KCNN2: variants seen among roughly 807,000 people sequenced by gnomAD.
The protein encoded by KCNN2 is potassium calcium-activated channel subfamily N member 2.
Under a neutral mutation model 55.5 loss-of-function variants are expected in KCNN2, and 24 were observed. That is an observed-to-expected ratio of 0.43 (90% CI 0.31 to 0.61). KCNN2 has a LOEUF of 0.61. Ranked by LOEUF, KCNN2 falls within the 20% of genes least tolerant of loss-of-function variation. KCNN2 has a pLI of 0.08. For synonymous variants in KCNN2, 431 were observed against 336.1 expected (o/e 1.28, Z -3.09); for missense variants, 754 against 853.6 (o/e 0.88, Z 1.45).
At chr5:114,493,623 A>C (rs755199272) in intron 7 of KCNN2, 151 bp downstream of exon 7, 94 of 635,322 alleles carry the variant, frequency 1.5e-4, no homozygotes, top group Non-Finnish European at 2.3e-4. Context: ...TCCAACTTAA[A>C]AGAATGTTTC....
intron 1 of KCNN2, among the ~76,000 whole-genome samples, chr5:114,212,382 G>C (rs537489050): frequency 4.6e-5 from 7 of 152,080 alleles, no homozygotes; most frequent in Middle Eastern, 3.4e-3. Context: ...GTTGCCTAGG[G>C]GTTGGGTGGA....
intron 1 of KCNN2, among the ~76,000 whole-genome samples, chr5:114,118,764 T>C (rs1377020579): frequency 2.6e-5 from 4 of 152,134 alleles, no homozygotes; most frequent in Non-Finnish European, 5.9e-5. Flanking sequence ...ATCAGACATA[T>C]ACCTACTGGA....
intron 2 of KCNN2, among the ~76,000 whole-genome samples, chr5:114,399,935 T>G (rs865779379): frequency 6.6e-6 from 1 of 150,414 alleles, no homozygotes; most frequent in Non-Finnish European, 1.5e-5. Context: ...TTTTTGTTTT[T>G]TTTTTTTGTA....
chr5:114,274,472 G>A (rs1245799632), intron 2 of KCNN2, among the ~76,000 whole-genome samples: 1 of 152,166 alleles, frequency 6.6e-6, no homozygotes, highest in African/African-American at 2.4e-5. Flanking sequence ...CCATGAGCAT[G>A]GAATGTTTTT....
intron 2 of KCNN2, among the ~76,000 whole-genome samples, chr5:114,225,918 A>G (rs1218954423): frequency 6.6e-6 from 1 of 152,226 alleles, no homozygotes; most frequent in African/African-American, 2.4e-5. Flanking sequence ...GCAAAACAAA[A>G]TGAATTGAAG....
At chr5:114,202,451 A>T (rs573847658) in intron 1 of KCNN2, among the ~76,000 whole-genome samples, 1 of 151,514 alleles carries the variant, frequency 6.6e-6, no homozygotes, top group African/African-American at 2.4e-5. Flanking sequence ...ACCCCAAAAC[A>T]CTGAAGAATC....
chr5:114,324,452 T>C (rs528850831), intron 2 of KCNN2, among the ~76,000 whole-genome samples: 1 of 152,142 alleles, frequency 6.6e-6, no homozygotes, highest in East Asian at 1.9e-4. Context: ...AGGGAAAAAA[T>C]GATGTCATCT....
intron 1 of KCNN2, among the ~76,000 whole-genome samples, chr5:114,215,691 C>G (rs957988551): frequency 2.0e-5 from 3 of 152,122 alleles, no homozygotes; most frequent in African/African-American, 7.2e-5. Context: ...ACACCTGCCT[C>G]TGGGAAGAGA....
At chr5:114,062,670 T>C (rs1299383661) in intron 1 of KCNN2, among the ~76,000 whole-genome samples, 1 of 152,224 alleles carries the variant, frequency 6.6e-6, no homozygotes, top group Non-Finnish European at 1.5e-5. Flanking sequence ...AATTACGGTG[T>C]GTGTGTTTTA....
intron 1 of KCNN2, among the ~76,000 whole-genome samples, chr5:114,101,119 T>C (rs1751365387): frequency 6.6e-6 from 1 of 152,030 alleles, no homozygotes; most frequent in East Asian, 1.9e-4. Flanking sequence ...AAACTGAATA[T>C]TATTTGGTAC....
chr5:114,407,633 TA>T (rs1443218022), intron 3 of KCNN2, among the ~76,000 whole-genome samples: 1 of 152,214 alleles, frequency 6.6e-6, no homozygotes, highest in African/African-American at 2.4e-5. Flanking sequence ...GTGGGGGACA[TA>T]GAACAGCAAT....
intron 1 of KCNN2, among the ~76,000 whole-genome samples, chr5:114,108,391 G>T (rs1031420711): frequency 2.6e-5 from 4 of 151,448 alleles, no homozygotes; most frequent in African/African-American, 9.7e-5. Context: ...TTTTTTAATT[G>T]AGGCACAATT....
intron 1 of KCNN2, among the ~76,000 whole-genome samples, chr5:114,073,332 T>A (rs1354206710): frequency 6.6e-6 from 1 of 152,224 alleles, no homozygotes; most frequent in Non-Finnish European, 1.5e-5. Flanking sequence ...TCTTTACTTT[T>A]GAGTAACTTC....
At chr5:114,336,790 A>C (rs1391879098) in intron 2 of KCNN2, among the ~76,000 whole-genome samples, 1 of 152,120 alleles carries the variant, frequency 6.6e-6, no homozygotes, top group African/African-American at 2.4e-5. Context: ...GCTTTCCATG[A>C]AAAGGAAATA....
chr5:114,219,874 G>C (rs4074169), intron 1 of KCNN2, among the ~76,000 whole-genome samples: 1 of 151,898 alleles, frequency 6.6e-6, no homozygotes. Flanking sequence ...AATTGGGATA[G>C]CATCTATAGA....
chr5:114,488,673 A>G (rs546899788), intron 6 of KCNN2, among the ~76,000 whole-genome samples: 9 of 151,962 alleles, frequency 5.9e-5, no homozygotes, highest in East Asian at 1.9e-4. Context: ...TCCTTAACCT[A>G]TTTTCCTGTG....
chr5:114,490,301 C>G (rs920735749), intron 6 of KCNN2, among the ~76,000 whole-genome samples: 2 of 152,194 alleles, frequency 1.3e-5, no homozygotes, highest in African/African-American at 2.4e-5. Flanking sequence ...ATGTACCCCC[C>G]CAAAAAAATT....
chr5:114,315,463 GTGTATA>G (rs1296780790), intron 2 of KCNN2, among the ~76,000 whole-genome samples: 2,615 of 47,908 alleles, frequency 0.055, 84 homozygotes, highest in East Asian at 0.36. Context: ...GTGTGTGTGT[GTGTATA>G]TATATATAAA....
intron 3 of KCNN2, among the ~76,000 whole-genome samples, chr5:114,424,787 A>C (rs1184740818): frequency 2.6e-5 from 4 of 152,224 alleles, no homozygotes; most frequent in Non-Finnish European, 5.9e-5. Flanking sequence ...AGAGGAGTCT[A>C]AGGTTTCTAA....
Sources: gnomAD v4.1 joint callset for allele counts (sites outside exome capture counted in the v4.1 genomes callset) on GRCh38, gnomAD v4.1.1 for gene constraint, MANE v1.5 for transcripts, NCBI Gene and HGNC (gene_info 2026-07-23, HGNC 2026-07-21) for gene names.